The following COL4A3 variants were observed in gnomAD, a reference collection of about 807,000 sequenced individuals.
The protein encoded by COL4A3 is collagen alpha-3(IV) chain.
COL4A3 carries 135 observed loss-of-function variants against 217.4 expected under a neutral mutation model. The observed-to-expected ratio is 0.62, with a 90% CI of 0.54 to 0.72. The LOEUF is 0.72. Among genes scored for constraint, COL4A3 ranks in the 30% least tolerant of loss-of-function variants. The probability of loss-of-function intolerance (pLI) is 0.00; values close to 1 mark genes in which losing one functional copy is unlikely to be tolerated. For synonymous variants in COL4A3, 690 were observed against 736.3 expected, an observed-to-expected ratio of 0.94 and a Z score of 1.02; for missense variants, 1,868 against 2,119.9, an observed-to-expected ratio of 0.88 and a Z score of 2.33.
In COL4A3 at chr2:227,251,027, G is replaced by A. The variant is rs138467133; in HGVS notation, c.547-113G>A. 8.0e-5 allele frequency: 66 copies of A among 823,498 alleles called. No homozygotes were observed. The African/African-American group carries it at 1.0e-3, about 13-fold the overall frequency. 51.0% of individuals were successfully genotyped at this position (823,498 alleles called of 1,614,324 possible). On this transcript the variant is annotated intron_variant, in intron 9 of 51. Coordinates refer to ENST00000396578, the MANE Select transcript of COL4A3 (RefSeq NM_000091.5). Reference sequence around the variant, plus strand: ...ATTAGCTGCAGCCACTGAAAGGGGAGGTGTTATGCTCTTCTGATTTTATTA... The same window carrying A: ...ATTAGCTGCAGCCACTGAAAGGGGAAGTGTTATGCTCTTCTGATTTTATTA...
chr2:227,268,947 G>T (rs900683010), intron 23 of COL4A3, among the ~76,000 whole-genome samples: 6 of 152,134 alleles, frequency 3.9e-5, no homozygotes, highest in Admixed American at 6.5e-5. Flanking sequence ...ATTTTCCATA[G>T]TTTCTCTACA....
At chr2:227,261,212 T>C in intron 20 of COL4A3, 95 bp downstream of exon 20, 1 of 1,113,062 alleles carries the variant, frequency 9.0e-7, no homozygotes, top group East Asian at 2.4e-5. Context: ...ATAAGACAAA[T>C]GTTTCATTAA....
At chr2:227,294,412 A>G (rs990901750) in intron 38 of COL4A3, 78 bp from the exon 39 acceptor site, 134 of 976,782 alleles carry the variant, frequency 1.4e-4, no homozygotes, top group Admixed American at 1.2e-3. Flanking sequence ...GACTATAAAA[A>G]CAGACCGTTT....
At chr2:227,246,629 T>C (rs1370371585) in intron 6 of COL4A3, 56 bp from the exon 7 acceptor site, 1 of 1,415,962 alleles carries the variant, frequency 7.1e-7, no homozygotes, top group African/African-American at 1.4e-5. Flanking sequence ...GAAAAATATC[T>C]GAATAGGCTC....
chr2:227,278,749 G>T (rs2071748661), intron 28 of COL4A3, among the ~76,000 whole-genome samples: 2 of 152,090 alleles, frequency 1.3e-5, no homozygotes, highest in African/African-American at 2.4e-5. Flanking sequence ...GTTGACTGTG[G>T]GAACCAGAAC....
chr2:227,277,235 C>T (rs1198676661), intron 27 of COL4A3, among the ~76,000 whole-genome samples: 2 of 150,272 alleles, frequency 1.3e-5, no homozygotes, highest in Non-Finnish European at 2.9e-5. Flanking sequence ...GGGAGAATGG[C>T]GTGAACCCAG....
chr2:227,235,226 A>C (rs1001867254), intron 1 of COL4A3, among the ~76,000 whole-genome samples: 1 of 151,178 alleles, frequency 6.6e-6, no homozygotes, highest in African/African-American at 2.5e-5. Context: ...GCCGTCTGGG[A>C]ATCCACACTT....
chr2:227,225,023 C>T (rs1013389506), intron 1 of COL4A3, among the ~76,000 whole-genome samples: 3 of 152,108 alleles, frequency 2.0e-5, no homozygotes, highest in Non-Finnish European at 4.4e-5. Context: ...GCGATCCTCC[C>T]GCCTCAGCAT....
intron 1 of COL4A3, among the ~76,000 whole-genome samples, chr2:227,207,601 G>A (rs1169082887): frequency 6.6e-6 from 1 of 152,212 alleles, no homozygotes; most frequent in Non-Finnish European, 1.5e-5. Context: ...AAGGGCAGGG[G>A]GGTTTGCAGG....
intron 48 of COL4A3, 85 bp from the exon 49 acceptor site, chr2:227,308,814 A>T: frequency 7.3e-7 from 1 of 1,370,890 alleles, no homozygotes; most frequent in Non-Finnish European, 1.0e-6. Context: ...GCTGCAGGTT[A>T]CATTTAAATT....
chr2:227,307,805 C>G lies in COL4A3; in HGVS notation c.4348C>G (p.Arg1450Gly). ...GACAACGAGAGGCTTTGTCTTCACC[C>G]GACACAGTCAAACCACAGCAATTCC... ...TWTTRGFVFT[R>G]HSQTTAIPSC... Residue 1450 changes from arginine (R) to glycine (G), a missense_variant, in exon 48 of 52, where the codon CGA becomes GGA. Coordinates refer to ENST00000396578, the MANE Select transcript of COL4A3 (RefSeq NM_000091.5). 6.2e-7 allele frequency: 1 copy of G among 1,614,062 alleles called. No homozygotes were observed. Among genetic ancestry groups the G allele is most frequent in the South Asian group, 1.1e-5 (1 of 91,044 alleles).
intron 43 of COL4A3, among the ~76,000 whole-genome samples, chr2:227,302,148 C>T (rs2073312063): frequency 6.6e-6 from 1 of 152,156 alleles, no homozygotes; most frequent in African/African-American, 2.4e-5. Context: ...TTCATGTGAG[C>T]CTCACAAGAA....
chr2:227,235,934 T>G (rs6747279), intron 1 of COL4A3, among the ~76,000 whole-genome samples: 28,282 of 151,964 alleles, frequency 0.19, 2,787 homozygotes, highest in Middle Eastern at 0.27. Flanking sequence ...CCACCACATC[T>G]GACTAATTTT....
intron 1 of COL4A3, among the ~76,000 whole-genome samples, chr2:227,233,713 A>G (rs1299125288): frequency 1.3e-5 from 2 of 152,208 alleles, no homozygotes; most frequent in African/African-American, 2.4e-5. Flanking sequence ...TTTTGATGAC[A>G]ATAAAGGAGG....
intron 1 of COL4A3, among the ~76,000 whole-genome samples, chr2:227,168,856 A>G (rs2065370529): frequency 6.6e-6 from 1 of 151,566 alleles, no homozygotes. Context: ...TTTCAATCAA[A>G]TAGTATATTC....
At chr2:227,218,620 C>G (rs1007284774) in intron 1 of COL4A3, among the ~76,000 whole-genome samples, 1 of 152,186 alleles carries the variant, frequency 6.6e-6, no homozygotes, top group Non-Finnish European at 1.5e-5. Context: ...AGCAAGCTAT[C>G]AAGGTGTCTG....
chr2:227,228,793 G>GT (rs1259641476), intron 1 of COL4A3, among the ~76,000 whole-genome samples: 2 of 152,150 alleles, frequency 1.3e-5, no homozygotes, highest in Non-Finnish European at 2.9e-5. Context: ...AAAGATAATT[G>GT]TTTACAGTGC....
chr2:227,204,373 T>C (rs78763992), intron 1 of COL4A3, among the ~76,000 whole-genome samples: 21,806 of 152,118 alleles, frequency 0.14, 1,698 homozygotes, highest in Non-Finnish European at 0.17. Context: ...TATTTTTTTC[T>C]CTTTCTCTAT....
chr2:227,201,184 G>A (rs1217739087), intron 1 of COL4A3, among the ~76,000 whole-genome samples: 4 of 152,126 alleles, frequency 2.6e-5, no homozygotes, highest in Admixed American at 2.6e-4. Context: ...AAGCTGGACA[G>A]TATTTACTTA....
Sources: gnomAD v4.1 joint callset for allele counts (sites outside exome capture counted in the v4.1 genomes callset) on GRCh38, gnomAD v4.1.1 for gene constraint, MANE v1.5 for transcripts, NCBI Gene and HGNC (gene_info 2026-07-23, HGNC 2026-07-21) for gene names.